Variants in CADPS2 observed in about 807,000 individuals in gnomAD.
The protein encoded by CADPS2 is calcium-dependent secretion activator 2.
CADPS2 carries 93 observed loss-of-function variants against 172.5 expected under a neutral mutation model. The ratio of observed to expected loss-of-function variants is 0.54; its 90% CI spans 0.46 to 0.64. The LOEUF (loss-of-function observed/expected upper bound fraction) is 0.64. Ranked by LOEUF, CADPS2 falls within the 30% of genes least tolerant of loss-of-function variation. The pLI, the probability that CADPS2 is intolerant of heterozygous loss-of-function variation, is 0.00. For missense variants in CADPS2, 1,420 were observed against 1,565.9 expected, an observed-to-expected ratio of 0.91 and a Z score of 1.57; for synonymous variants, 546 against 555.2, an observed-to-expected ratio of 0.98 and a Z score of 0.23.
intron 7 of CADPS2, among the ~76,000 whole-genome samples, chr7:122,559,008 A>C (rs377260233): frequency 6.6e-6 from 1 of 152,168 alleles, no homozygotes; most frequent in Non-Finnish European, 1.5e-5. Context: ...CTTAGCTTAG[A>C]GAAAGGAAAA....
At chr7:122,802,920 T>C (rs918404742) in intron 1 of CADPS2, among the ~76,000 whole-genome samples, 1 of 152,192 alleles carries the variant, frequency 6.6e-6, no homozygotes, top group Non-Finnish European at 1.5e-5. Context: ...ACAAAAGACA[T>C]ATATGGATGC....
rs573316321 is a variant in CADPS2, at chr7:122,441,404, A to T, written c.2352+108T>A. ...GTGAGAAACTCATGACTTGTGATGGAATCAGTAGAGAGCATAGAATAACGG... is the reference window on the plus strand; with the variant it reads ...GTGAGAAACTCATGACTTGTGATGGTATCAGTAGAGAGCATAGAATAACGG... On this transcript the variant is annotated intron_variant, in intron 16 of 29. Coordinates refer to ENST00000449022, the MANE Select transcript of CADPS2 (RefSeq NM_017954.11). 11 of 608,160 alleles carry T rather than the reference A, an allele frequency of 1.8e-5. No individual in the cohort carries two copies. The African/African-American group carries it at 1.9e-4, about 10-fold the overall frequency. 37.7% of individuals were successfully genotyped at this position (608,160 alleles called of 1,614,324 possible).
intron 2 of CADPS2, among the ~76,000 whole-genome samples, chr7:122,717,032 T>A (rs1357855126): frequency 6.6e-6 from 1 of 152,166 alleles, no homozygotes; most frequent in Non-Finnish European, 1.5e-5. Context: ...ATTTGCCACT[T>A]AGAACTTTAT....
At chr7:122,414,745 T>C (rs1474915099) in intron 18 of CADPS2, among the ~76,000 whole-genome samples, 1 of 152,208 alleles carries the variant, frequency 6.6e-6, no homozygotes, top group East Asian at 1.9e-4. Flanking sequence ...ATACAATAAA[T>C]CTTAGTTACC....
intron 25 of CADPS2, among the ~76,000 whole-genome samples, chr7:122,364,247 C>CA (rs889311915): frequency 1.4e-4 from 21 of 149,742 alleles, no homozygotes; most frequent in East Asian, 7.9e-4. Context: ...CCTGTCTCTA[C>CA]AAAAAAAAAT....
chr7:122,483,517 G>C (rs2057503082), intron 11 of CADPS2, among the ~76,000 whole-genome samples: 1 of 151,934 alleles, frequency 6.6e-6, no homozygotes, highest in Non-Finnish European at 1.5e-5. Context: ...ATGATGAAAG[G>C]CACTGGAAAT....
chr7:122,379,822 T>G (rs1344435239), intron 24 of CADPS2, among the ~76,000 whole-genome samples: 2 of 152,166 alleles, frequency 1.3e-5, no homozygotes, highest in African/African-American at 4.8e-5. Flanking sequence ...AAGATTTAAT[T>G]AATACTGCAT....
intron 1 of CADPS2, among the ~76,000 whole-genome samples, chr7:122,756,501 CAT>C (rs1434896336): frequency 6.6e-6 from 1 of 152,104 alleles, no homozygotes; most frequent in Non-Finnish European, 1.5e-5. Flanking sequence ...AAAAGGAAGA[CAT>C]AGATGTTACA....
At chr7:122,417,538 A>G (rs989624817) in intron 17 of CADPS2, among the ~76,000 whole-genome samples, 2 of 152,230 alleles carry the variant, frequency 1.3e-5, no homozygotes, top group Admixed American at 1.3e-4. Flanking sequence ...GAAAAGATCC[A>G]TAGACATGAA....
At chr7:122,797,321 A>G (rs1389050562) in intron 1 of CADPS2, among the ~76,000 whole-genome samples, 1 of 152,242 alleles carries the variant, frequency 6.6e-6, no homozygotes, top group African/African-American at 2.4e-5. Flanking sequence ...CAGAACTATC[A>G]TTTGACTCAG....
At chr7:122,799,083 C>T (rs1797003543) in intron 1 of CADPS2, among the ~76,000 whole-genome samples, 1 of 151,944 alleles carries the variant, frequency 6.6e-6, no homozygotes, top group Admixed American at 6.6e-5. Context: ...AAGAAAGTGC[C>T]TTATAAACAA....
chr7:122,483,871 G>T (rs2057543361), intron 11 of CADPS2, among the ~76,000 whole-genome samples: 1 of 151,996 alleles, frequency 6.6e-6, no homozygotes, highest in South Asian at 2.1e-4. Context: ...AAGCAACAAA[G>T]ATGAAATACC....
intron 1 of CADPS2, among the ~76,000 whole-genome samples, chr7:122,784,446 C>T (rs1793538268): frequency 6.6e-6 from 1 of 152,224 alleles, no homozygotes; most frequent in African/African-American, 2.4e-5. Flanking sequence ...TGTTTTCCCA[C>T]CTTGAAGTCT....
intron 2 of CADPS2, among the ~76,000 whole-genome samples, chr7:122,722,429 A>G (rs1588743194): frequency 6.6e-6 from 1 of 151,096 alleles, no homozygotes; most frequent in Non-Finnish European, 1.5e-5. Flanking sequence ...TCATGAGTGA[A>G]CTCCCATTCA....
At chr7:122,354,722 T>C (rs531441660) in intron 27 of CADPS2, among the ~76,000 whole-genome samples, 138 of 152,302 alleles carry the variant, frequency 9.1e-4, no homozygotes, top group Non-Finnish European at 1.6e-3. Context: ...AAGTTACTAT[T>C]GAACAGGACA....
In CADPS2 at chr7:122,621,673, C is replaced by T. The variant is rs1467957052; in HGVS notation, c.912G>A (p.Met304Ile). The T allele has an allele frequency of 1.9e-6, 3 of 1,609,566 alleles. No homozygotes were observed. The highest frequency in any genetic ancestry group is 2.5e-6 in the Non-Finnish European group (3 of 1,178,170). The stretch of plus-strand genomic sequence containing the variant: ...CTGAAGACCGCAACTCTTCTATATA[C>T]ATATTCTCCATATCTTTTGCTATAA... ...PKFIAKDMENMYIEELRSSVN... is the reference protein window; with the variant it reads ...PKFIAKDMENIYIEELRSSVN... The change falls in exon 5 of 30, where the codon ATG becomes ATA. Residue 304 changes from methionine to isoleucine, a missense_variant. Met to Ile is a conservative substitution (Grantham distance 10). Transcript: ENST00000449022.
chr7:122,385,055 G>C (rs980484193), intron 24 of CADPS2, among the ~76,000 whole-genome samples: 2 of 152,022 alleles, frequency 1.3e-5, no homozygotes, highest in Admixed American at 1.3e-4. Flanking sequence ...ATGGGTTTAT[G>C]AGGAAACCTA....
intron 17 of CADPS2, among the ~76,000 whole-genome samples, chr7:122,435,813 A>G (rs1169731626): frequency 6.6e-6 from 1 of 152,134 alleles, no homozygotes; most frequent in Non-Finnish European, 1.5e-5. Flanking sequence ...ATACAATAGA[A>G]TATTATTCAG....
At chr7:122,517,798 C>T (rs2060488775) in intron 8 of CADPS2, among the ~76,000 whole-genome samples, 1 of 151,850 alleles carries the variant, frequency 6.6e-6, no homozygotes, top group Admixed American at 6.6e-5. Flanking sequence ...AATCTTTTTA[C>T]CTCAGAAGGG....
Sources: gnomAD v4.1 joint callset for allele counts (sites outside exome capture counted in the v4.1 genomes callset) on GRCh38, gnomAD v4.1.1 for gene constraint, MANE v1.5 for transcripts, NCBI Gene and HGNC (gene_info 2026-07-23, HGNC 2026-07-21) for gene names.